The following COL24A1 variants were observed in gnomAD, a reference collection of about 807,000 sequenced individuals.
COL24A1 encodes the protein collagen type XXIV alpha 1 chain.
COL24A1 carries 224 observed loss-of-function variants against 253.9 expected under a neutral mutation model. The observed-to-expected ratio is 0.88, with a 90% CI of 0.79 to 0.99. The LOEUF (loss-of-function observed/expected upper bound fraction) is 0.99. COL24A1 is among the 50% of genes least tolerant of loss of function. The probability of loss-of-function intolerance (pLI) is 0.00; values close to 1 mark genes in which losing one functional copy is unlikely to be tolerated. For synonymous variants in COL24A1, 685 were observed against 673.7 expected, an observed-to-expected ratio of 1.02 and a Z score of -0.26; for missense variants, 2,131 against 2,068.5, an observed-to-expected ratio of 1.03 and a Z score of -0.59.
At chr1:85,798,329 C>T (rs927264338) in intron 47 of COL24A1, among the ~76,000 whole-genome samples, 2 of 151,824 alleles carry the variant, frequency 1.3e-5, no homozygotes, top group African/African-American at 2.4e-5. Context: ...AACTTTGTTG[C>T]TCTGGAAGAG....
chr1:85,856,382 G>A (rs1282696073), intron 37 of COL24A1, among the ~76,000 whole-genome samples: 1 of 152,134 alleles, frequency 6.6e-6, no homozygotes, highest in African/African-American at 2.4e-5. Context: ...AGAGATTCTT[G>A]TATGTTGTAT....
At chr1:85,747,322 C>T (rs1665345781) in intron 55 of COL24A1, among the ~76,000 whole-genome samples, 3 of 151,808 alleles carry the variant, frequency 2.0e-5, no homozygotes, top group African/African-American at 7.3e-5. Flanking sequence ...CCATGTTGGC[C>T]AGGCTGGTCT....
intron 5 of COL24A1, among the ~76,000 whole-genome samples, chr1:86,107,570 C>T (rs909951964): frequency 6.0e-5 from 9 of 151,144 alleles, no homozygotes; most frequent in Non-Finnish European, 7.4e-5. Context: ...GAGTCTGCTC[C>T]GTCGCCCAGG....
At chr1:85,776,234 G>A (rs1668528814) in intron 52 of COL24A1, among the ~76,000 whole-genome samples, 1 of 152,084 alleles carries the variant, frequency 6.6e-6, no homozygotes, top group South Asian at 2.1e-4. Flanking sequence ...ATTTTCAAGT[G>A]TTTGGAGATT....
chr1:86,049,647 A>G (rs1284588075), intron 11 of COL24A1, among the ~76,000 whole-genome samples: 1 of 152,156 alleles, frequency 6.6e-6, no homozygotes, highest in Non-Finnish European at 1.5e-5. Context: ...TCTTTTTAGT[A>G]TAACAAACCA....
chr1:85,833,393 A>G (rs1299366107), intron 43 of COL24A1, among the ~76,000 whole-genome samples: 1 of 152,240 alleles, frequency 6.6e-6, no homozygotes, highest in Non-Finnish European at 1.5e-5. Flanking sequence ...CATCAGAGAA[A>G]TGCAAATCAA....
chr1:86,080,333 G>T (rs913591775), intron 7 of COL24A1, among the ~76,000 whole-genome samples: 4 of 152,036 alleles, frequency 2.6e-5, no homozygotes, highest in African/African-American at 9.7e-5. Flanking sequence ...GAGTACAAAA[G>T]AATAGTTACA....
chr1:86,027,840 C>A (rs1698190350), intron 14 of COL24A1, among the ~76,000 whole-genome samples: 1 of 152,200 alleles, frequency 6.6e-6, no homozygotes, highest in African/African-American at 2.4e-5. Context: ...GCACTCAATG[C>A]CAGACCATGA....
In COL24A1 at chr1:86,124,971, A is replaced by G; in HGVS notation, c.1365T>C (p.Pro455=). 6.2e-7 allele frequency: 1 copy of G among 1,613,298 alleles called. No individual in the cohort carries two copies. Among genetic ancestry groups the G allele is most frequent in the Non-Finnish European group, 8.5e-7 (1 of 1,179,670 alleles). Reference sequence around the variant, plus strand: ...TATTTTCGATGGGATAAGTAGCATCAGGATAAAATTCACCTTCTTTCCTTA... The same window carrying G: ...TATTTTCGATGGGATAAGTAGCATCGGGATAAAATTCACCTTCTTTCCTTA... ...LDLRKEGEFY[P]DATYPIENSY... Residue 455 remains proline (P), a synonymous_variant, in exon 3 of 60, where the codon CCT becomes CCC. Coordinates refer to ENST00000370571, the MANE Select transcript of COL24A1 (RefSeq NM_152890.7).
chr1:85,986,026 C>A (rs1215090152), intron 20 of COL24A1, among the ~76,000 whole-genome samples: 2 of 151,876 alleles, frequency 1.3e-5, no homozygotes, highest in African/African-American at 4.8e-5. Context: ...GTCTGCTTCA[C>A]AAATTCCTAC....
intron 19 of COL24A1, among the ~76,000 whole-genome samples, chr1:86,007,483 GAA>G (rs775756335): frequency 6.6e-6 from 1 of 152,250 alleles, no homozygotes; most frequent in Non-Finnish European, 1.5e-5. Flanking sequence ...CAAAGGAGTT[GAA>G]AATTTATGTC....
At chr1:85,891,643 T>C (rs1683144328) in intron 31 of COL24A1, among the ~76,000 whole-genome samples, 1 of 152,204 alleles carries the variant, frequency 6.6e-6, no homozygotes, top group Non-Finnish European at 1.5e-5. Flanking sequence ...GCCTATTTAC[T>C]CCAGGATCCT....
At chr1:85,896,103 G>A (rs1445757679) in intron 29 of COL24A1, 38 bp from the exon 30 acceptor site, 1 of 1,593,858 alleles carries the variant, frequency 6.3e-7, no homozygotes, top group Non-Finnish European at 8.6e-7. Context: ...TAGTAAGAAT[G>A]TGAATTATGG....
chr1:85,758,192 T>A (rs1666461475), intron 55 of COL24A1, among the ~76,000 whole-genome samples: 1 of 152,128 alleles, frequency 6.6e-6, no homozygotes, highest in Non-Finnish European at 1.5e-5. Context: ...ATGGTGAAAA[T>A]GCTGACCAAA....
intron 47 of COL24A1, among the ~76,000 whole-genome samples, chr1:85,813,512 C>A (rs1672753587): frequency 7.7e-6 from 1 of 130,718 alleles, no homozygotes; most frequent in African/African-American, 2.9e-5. Context: ...GGTCAAATTA[C>A]TAGAAAATCT....
At position 85,730,590 on chromosome 1, in the gene COL24A1, C is replaced by T; in HGVS notation, c.5101G>A (p.Glu1701Lys). Residue 1701 changes from glutamate to lysine, a missense_variant, in exon 60 of 60, where the codon GAA (glutamate) becomes AAA (lysine). Physicochemically the swap from Glu to Lys is moderately conservative, Grantham distance 56. Coordinates refer to ENST00000370571, the MANE Select transcript of COL24A1 (RefSeq NM_152890.7). ...EVQKLPHLKT[E>K]RKYYIDSSSV... ...CTGCTGTCAATGTAATACTTTCGTT[C>T]AGTTTTGAGATGAGGAAGTTTTTGT... 2 of 1,613,916 alleles carry T rather than the reference C, an allele frequency of 1.2e-6. No homozygotes were observed. The highest frequency in any genetic ancestry group is 1.7e-6 in the Non-Finnish European group (2 of 1,179,904).
rs972288528 is a variant in COL24A1, at chr1:86,131,153, C to T, written c.122-4939G>A. ...ATATTTTTCTCCTTACAAGTGACTCCGTAGTTATCAACATTCTTCAAGAGT... is the reference window on the plus strand; with the variant it reads ...ATATTTTTCTCCTTACAAGTGACTCTGTAGTTATCAACATTCTTCAAGAGT... On this transcript the variant is annotated intron_variant, in intron 2 of 59. Transcript: ENST00000370571. Among the ~76,000 whole-genome samples, 5 of 151,844 alleles carry T rather than the reference C, an allele frequency of 3.3e-5. No individual in the cohort carries two copies. In the East Asian group the frequency reaches 5.8e-4, roughly 18 times the overall value.
Position 85,737,492 on chromosome 1 carries a change from A to G in COL24A1, c.4686T>C (p.Ile1562=), listed in dbSNP as rs1664175247. 1 of 1,609,044 alleles carries G rather than the reference A, an allele frequency of 6.2e-7. No individual in the cohort carries two copies. Among genetic ancestry groups the G allele is most frequent in the African/African-American group, 1.3e-5 (1 of 74,634 alleles). The stretch of plus-strand genomic sequence containing the variant: ...CTGAAGGACAGCCAAGATTTGGGTC[A>G]ATCCAGTATTTTCCTAATAATTTAT... ...EQKVSDGKYW[I]DPNLGCPSDA... Residue 1562 remains isoleucine (I), a synonymous_variant, in exon 58 of 60, where the codon ATT becomes ATC. Transcript: ENST00000370571.
At chr1:85,998,487 A>G (rs965005070) in intron 19 of COL24A1, among the ~76,000 whole-genome samples, 3 of 152,206 alleles carry the variant, frequency 2.0e-5, no homozygotes, top group Admixed American at 6.5e-5. Context: ...CTCTATTCCA[A>G]TAAAATGTAA....
Sources: gnomAD v4.1 joint callset for allele counts (sites outside exome capture counted in the v4.1 genomes callset) on GRCh38, gnomAD v4.1.1 for gene constraint, MANE v1.5 for transcripts, NCBI Gene and HGNC (gene_info 2026-07-23, HGNC 2026-07-21) for gene names.